Variants in CASZ1 observed in about 807,000 individuals in gnomAD.
CASZ1 encodes zinc finger protein castor homolog 1.
CASZ1 carries 28 observed loss-of-function variants against 135.2 expected under a neutral mutation model. The observed-to-expected ratio is 0.21, with a 90% CI of 0.15 to 0.28. CASZ1 has a LOEUF of 0.28. Among genes scored for constraint, CASZ1 ranks in the 10% least tolerant of loss-of-function variants. CASZ1 has a pLI of 1.00. For missense variants in CASZ1, 2,161 were observed against 2,453.3 expected (o/e 0.88, Z 2.52); for synonymous variants, 1,068 against 1,073.4 (o/e 0.99, Z 0.10).
At chr1:10,743,604 CT>C (rs542264646) in intron 2 of CASZ1, among the ~76,000 whole-genome samples, 1,578 of 113,232 alleles carry the variant, frequency 0.014, 13 homozygotes, top group Middle Eastern at 0.025. Context: ...CTTTTCCTGC[CT>C]TTTTTTTTTT....
Position 10,693,307 on chromosome 1 carries a change from T to C in CASZ1, c.16+567A>G, listed in dbSNP as rs75358163. Among the ~76,000 whole-genome samples, 986 of 152,062 alleles carry C rather than the reference T, an allele frequency of 6.5e-3. 8 individuals are homozygous for C. Among genetic ancestry groups the C allele is most frequent in the Middle Eastern group, 0.045 (13 of 292 alleles). On this transcript the variant is annotated intron_variant, in intron 4 of 20. Coordinates refer to ENST00000377022, the MANE Select transcript of CASZ1 (RefSeq NM_001079843.3). ...GGTGAAAAATACTCATTAGCCATAA[T>C]AAGCAGCTTGATCATCCGACACAGC...
chr1:10,678,067 G>A (rs938498243), intron 4 of CASZ1, among the ~76,000 whole-genome samples: 2 of 152,238 alleles, frequency 1.3e-5, no homozygotes, highest in East Asian at 3.9e-4. Flanking sequence ...TGGGGAGACA[G>A]GGCAGGCGCT....
At chr1:10,649,791 AAGAAGCGC>A (rs1196049327) in intron 13 of CASZ1, 1 of 190,178 alleles carries the variant, frequency 5.3e-6, no homozygotes, top group Non-Finnish European at 1.1e-5. Context: ...AGGTTTTCAA[AAGAAGCGC>A]AGAAGGAGGA....
chr1:10,711,246 T>TA lies in CASZ1; in HGVS notation c.-76-5703_-76-5702insT, dbSNP rs1639280231. The stretch of plus-strand genomic sequence containing the variant: ...TTGGGTACGCAGGCTGCTTAACCTC[T>TA]CCAGGCCCCAGCTTCTTCCATTGAA... On this transcript the variant is annotated intron_variant, in intron 2 of 20. Transcript: ENST00000377022. The surrounding 1 kb of genome is among the most constrained non-coding windows in gnomAD (Gnocchi z 4.4). 6.6e-6 allele frequency among the ~76,000 whole-genome samples: 1 copy of TA among 152,236 alleles called. No individual in the cohort carries two copies. Among genetic ancestry groups the TA allele is most frequent in the East Asian group, 1.9e-4 (1 of 5,202 alleles).
In CASZ1 at chr1:10,748,113, C is replaced by T. The variant is rs574253099; in HGVS notation, c.-77+12588G>A. Among the ~76,000 whole-genome samples the T allele has an allele frequency of 3.0e-4, 45 of 152,252 alleles. 1 individual carries two copies. In the South Asian group the frequency reaches 7.0e-3, roughly 24 times the overall value. On this transcript the variant is annotated intron_variant, in intron 2 of 20. Transcript: ENST00000377022. The stretch of plus-strand genomic sequence containing the variant: ...GATTACAGGTGTGAGCCACTGCGCC[C>T]GGCCATGTGCTCGCCTTTCAAAGGC...
At chr1:10,750,669 G>A (rs1453773467) in intron 2 of CASZ1, among the ~76,000 whole-genome samples, 1 of 152,094 alleles carries the variant, frequency 6.6e-6, no homozygotes, top group Admixed American at 6.5e-5. Flanking sequence ...GGAGGCTGAC[G>A]CAGGTGGATC....
At chr1:10,645,217 A>G (rs1442594855) in intron 17 of CASZ1, 129 bp from the exon 18 acceptor site, 8 of 802,218 alleles carry the variant, frequency 1.0e-5, no homozygotes, top group African/African-American at 1.7e-5. Flanking sequence ...ATGATCATAG[A>G]AACACCTTTC....
At chr1:10,671,939 C>G (rs543938220) in intron 4 of CASZ1, among the ~76,000 whole-genome samples, 1 of 152,308 alleles carries the variant, frequency 6.6e-6, no homozygotes, top group South Asian at 2.1e-4. Flanking sequence ...CCTGGACTGC[C>G]CTGGAGAGGC....
In CASZ1 at chr1:10,639,828, C is replaced by G; in HGVS notation, c.4394G>C (p.Gly1465Ala). 2 of 1,610,844 alleles carry G rather than the reference C, an allele frequency of 1.2e-6. No homozygotes were observed. The highest frequency in any genetic ancestry group is 1.7e-6 in the Non-Finnish European group (2 of 1,179,042). Reference protein sequence around the residue: ...THYHCTRENCGYKFCGRTHMY... With the variant: ...THYHCTRENCAYKFCGRTHMY... ...GTGCGTGCGCCCGCAGAACTTGTAG[C>G]CGCAGTTCTCGCGCGTGCAGTGGTA... Residue 1465 changes from glycine to alanine, a missense_variant, in exon 21 of 21, where the codon GGC becomes GCC. Physicochemically the swap from Gly to Ala is moderately conservative, Grantham distance 60. Coordinates refer to ENST00000377022, the MANE Select transcript of CASZ1 (RefSeq NM_001079843.3). The surrounding 1 kb of genome is among the most constrained non-coding windows in gnomAD (Gnocchi z 4.0).
rs1640671279 is a variant in CASZ1 at position 10,776,893 on chromosome 1, C to A, written c.-233-16036G>T. On this transcript the variant is annotated intron_variant, in intron 1 of 20. Transcript: ENST00000377022. The surrounding 1 kb of genome is among the most constrained non-coding windows in gnomAD (Gnocchi z 4.1). ...TGCTCTTTCTTCAACAGAAGCAGTCCCTAAAACCAGTCACCCCCAAACACA... is the reference window on the plus strand; with the variant it reads ...TGCTCTTTCTTCAACAGAAGCAGTCACTAAAACCAGTCACCCCCAAACACA... 6.6e-6 allele frequency among the ~76,000 whole-genome samples: 1 copy of A among 152,180 alleles called. No homozygotes were observed. The highest frequency in any genetic ancestry group is 2.1e-4 in the South Asian group (1 of 4,832).
chr1:10,672,421 G>A (rs1643434719), intron 4 of CASZ1, among the ~76,000 whole-genome samples: 1 of 150,850 alleles, frequency 6.6e-6, no homozygotes, highest in South Asian at 2.1e-4. Context: ...TAATTATGGC[G>A]GGTGTCCTTG....
intron 2 of CASZ1, among the ~76,000 whole-genome samples, chr1:10,758,533 T>C (rs1640303501): frequency 6.6e-6 from 1 of 152,134 alleles, no homozygotes; most frequent in African/African-American, 2.4e-5. Flanking sequence ...GGTTTTGCCA[T>C]GTTGGCCAGG....
At position 10,777,570 on chromosome 1, in the gene CASZ1, TACA is replaced by T. The variant is rs1203417275; in HGVS notation, c.-233-16716_-233-16714del. 6.6e-6 allele frequency among the ~76,000 whole-genome samples: 1 copy of T among 152,102 alleles called. No homozygotes were observed. Among genetic ancestry groups the T allele is most frequent in the Non-Finnish European group, 1.5e-5 (1 of 68,006 alleles). On this transcript the variant is annotated intron_variant, in intron 1 of 20. Transcript: ENST00000377022. This position sits in a 1 kb window ranked among gnomAD's most constrained non-coding sequence, Gnocchi z 4.4. ...CGTTAATTTTACTCTGCCCGGCTAC[TACA>T]ACGAGGGGGAAAGAAGCGACACACA...
Position 10,653,517 on chromosome 1 carries a change from G to A in CASZ1, c.2540C>T (p.Ser847Leu), listed in dbSNP as rs1389066518. The A allele has an allele frequency of 6.2e-7, 1 of 1,608,994 alleles. No homozygotes were observed. Among genetic ancestry groups the A allele is most frequent in the African/African-American group, 1.3e-5 (1 of 74,886 alleles). ...GACAGAGGCGGCAGCCACGGGGGCT[G>A]AGTCTCCAGCTCCCGAGGCGACCAG... is the stretch of plus-strand genomic sequence containing the variant. ...PTLVASGAGD[S>L]APVAAASVPA... The change falls in exon 11 of 21, where the codon TCA becomes TTA. Residue 847 changes from serine (S) to leucine (L), a missense_variant. Ser to Leu is a moderately radical substitution (Grantham distance 145). Transcript: ENST00000377022.
chr1:10,742,340 AC>A (rs559205859), intron 2 of CASZ1, among the ~76,000 whole-genome samples: 10 of 152,258 alleles, frequency 6.6e-5, no homozygotes, highest in African/African-American at 2.4e-4. Flanking sequence ...GAATTAATGC[AC>A]TAAAGTTATT....
chr1:10,640,056 T>C lies in CASZ1; in HGVS notation c.4166A>G (p.Asn1389Ser), dbSNP rs1452139595. 1 of 1,604,122 alleles carries C rather than the reference T, an allele frequency of 6.2e-7. No individual in the cohort carries two copies. The highest frequency in any genetic ancestry group is 8.5e-7 in the Non-Finnish European group (1 of 1,177,670). ...CGAGGCTGTCGGCATAGAGATGGTG[T>C]TCCCTGGGGAGGGGCAGGGAGGTCA... ...PVGNESTAAG[N>S]TISMPTASGA... Residue 1389 changes from asparagine to serine, a missense_variant, in exon 21 of 21, where the codon AAC becomes AGC. Physicochemically the swap from Asn to Ser is conservative, Grantham distance 46 (BLOSUM62 1). Coordinates refer to ENST00000377022, the MANE Select transcript of CASZ1 (RefSeq NM_001079843.3).
chr1:10,728,701 C>T (rs745829946), intron 2 of CASZ1, among the ~76,000 whole-genome samples: 3 of 151,978 alleles, frequency 2.0e-5, no homozygotes, highest in African/African-American at 4.8e-5. Context: ...AAAAAAGCCT[C>T]GTTAGTTGCC....
intron 2 of CASZ1, among the ~76,000 whole-genome samples, chr1:10,715,108 A>C (rs1639354000): frequency 6.6e-6 from 1 of 152,178 alleles, no homozygotes; most frequent in Non-Finnish European, 1.5e-5. Flanking sequence ...TTACTCTCCG[A>C]GTCAGCCCAC....
At chr1:10,684,515 T>C (rs1638525354) in intron 4 of CASZ1, among the ~76,000 whole-genome samples, 1 of 152,186 alleles carries the variant, frequency 6.6e-6, no homozygotes, top group African/African-American at 2.4e-5. Flanking sequence ...AGGAGGTGCC[T>C]GGGCTCTCCA....
Sources: allele counts gnomAD v4.1 joint callset (sites outside exome capture counted in the v4.1 genomes callset), GRCh38; gene constraint gnomAD v4.1.1; non-coding constraint Gnocchi (gnomAD v3.1); transcripts MANE v1.5; gene names NCBI Gene and HGNC (gene_info 2026-07-23, HGNC 2026-07-21).